L3MBTL4: variants seen among roughly 807,000 people sequenced by gnomAD.
L3MBTL4 encodes lethal(3)malignant brain tumor-like protein 4.
In L3MBTL4, 70 loss-of-function variants were observed where a neutral mutation model predicts 84.5. That is an observed-to-expected ratio of 0.83 (90% CI 0.68 to 1.01). The LOEUF (loss-of-function observed/expected upper bound fraction) is 1.01, where lower values mean the gene tolerates loss of function less well. L3MBTL4 is among the 50% of genes least tolerant of loss of function. The pLI is 0.00. For synonymous variants in L3MBTL4, 274 were observed against 259.8 expected, an observed-to-expected ratio of 1.05 and a Z score of -0.52; for missense variants, 715 against 754.8, an observed-to-expected ratio of 0.95 and a Z score of 0.62.
At chr18:6,030,838 A>G (rs2055760377) in intron 16 of L3MBTL4, 2 of 985,212 alleles carry the variant, frequency 2.0e-6, no homozygotes, top group African/African-American at 3.5e-5. Flanking sequence ...AAACAGGCAC[A>G]CTAACATGAA....
chr18:6,245,856 G>C (rs1049074720), intron 5 of L3MBTL4, among the ~76,000 whole-genome samples: 5 of 152,096 alleles, frequency 3.3e-5, no homozygotes, highest in Non-Finnish European at 5.9e-5. Context: ...CTCCCAAAGG[G>C]CTAGGAATAT....
chr18:6,362,176 AAAGG>A (rs1248423229), intron 1 of L3MBTL4, among the ~76,000 whole-genome samples: 132 of 118,298 alleles, frequency 1.1e-3, no homozygotes, highest in African/African-American at 1.4e-3. Flanking sequence ...AGGAAAGAAG[AAAGG>A]AAGGAAGGAA....
chr18:6,121,177 T>G (rs1029808288), intron 14 of L3MBTL4, among the ~76,000 whole-genome samples: 1 of 152,348 alleles, frequency 6.6e-6, no homozygotes, highest in East Asian at 1.9e-4. Context: ...TCTATTTTAG[T>G]AAGCAGCATG....
intron 12 of L3MBTL4, among the ~76,000 whole-genome samples, chr18:6,191,115 G>A (rs2045061050): frequency 6.6e-6 from 1 of 152,144 alleles, no homozygotes; most frequent in South Asian, 2.1e-4. Flanking sequence ...ATGATATGAT[G>A]ACATGGTCAC....
intron 13 of L3MBTL4, among the ~76,000 whole-genome samples, chr18:6,151,381 T>A: frequency 7.0e-6 from 1 of 142,440 alleles, no homozygotes; most frequent in East Asian, 1.9e-4. Flanking sequence ...CTACAATTAA[T>A]TTTTTTAATT....
At chr18:6,039,007 C>T (rs561934933) in intron 16 of L3MBTL4, among the ~76,000 whole-genome samples, 2 of 151,934 alleles carry the variant, frequency 1.3e-5, no homozygotes, top group South Asian at 4.2e-4. Flanking sequence ...CTTTCTTTCT[C>T]TCTCCCCCAA....
intron 16 of L3MBTL4, among the ~76,000 whole-genome samples, chr18:5,983,093 C>T (rs1438581542): frequency 6.6e-6 from 1 of 152,176 alleles, no homozygotes; most frequent in African/African-American, 2.4e-5. Context: ...GCTCAAGTTG[C>T]TCACGTCACG....
intron 1 of L3MBTL4, among the ~76,000 whole-genome samples, chr18:6,402,843 T>A (rs968278754): frequency 2.6e-5 from 4 of 152,248 alleles, no homozygotes; most frequent in Admixed American, 2.6e-4. Context: ...AGGGAAAGAA[T>A]AATTGATTAT....
intron 1 of L3MBTL4, among the ~76,000 whole-genome samples, chr18:6,404,128 C>T (rs2055624254): frequency 6.6e-6 from 1 of 152,086 alleles, no homozygotes; most frequent in African/African-American, 2.4e-5. Context: ...GGATAAAAGA[C>T]TACACATTGG....
At chr18:6,173,616 C>CA (rs1479725930) in intron 12 of L3MBTL4, among the ~76,000 whole-genome samples, 2 of 152,000 alleles carry the variant, frequency 1.3e-5, no homozygotes, top group Non-Finnish European at 2.9e-5. Flanking sequence ...CTCATCTCTA[C>CA]AAAAAATACA....
At chr18:6,098,837 T>C (rs2058722466) in intron 14 of L3MBTL4, among the ~76,000 whole-genome samples, 1 of 152,206 alleles carries the variant, frequency 6.6e-6, no homozygotes, top group African/African-American at 2.4e-5. Flanking sequence ...GGTCAGATTC[T>C]AACAGGTACT....
At chr18:6,351,584 C>T (rs549697794) in intron 1 of L3MBTL4, among the ~76,000 whole-genome samples, 236 of 151,974 alleles carry the variant, frequency 1.6e-3, no homozygotes, top group Non-Finnish European at 2.7e-3. Context: ...TGGAGTCTCG[C>T]TCTGTCGCCC....
At chr18:6,008,685 C>T (rs2054597060) in intron 16 of L3MBTL4, among the ~76,000 whole-genome samples, 1 of 152,208 alleles carries the variant, frequency 6.6e-6, no homozygotes, top group Admixed American at 6.5e-5. Context: ...GGGATTAGGG[C>T]TTCAACACAT....
In L3MBTL4 at chr18:6,355,381, C is replaced by G. The variant is rs115368333; in HGVS notation, c.-90-43325G>C. Among the ~76,000 whole-genome samples the G allele has an allele frequency of 8.3e-3, 1,262 of 151,864 alleles. 17 individuals carry two copies. Among genetic ancestry groups the G allele is most frequent in the African/African-American group, 0.029 (1,222 of 41,472 alleles). ...TCTAATAAATTAACTCTTTATTCAC[C>G]TGTAATGTTTTCAATAATACTATGA... On this transcript the variant is annotated intron_variant, in intron 1 of 18. Coordinates refer to ENST00000317931, the MANE Select transcript of L3MBTL4 (RefSeq NM_001330559.2).
At chr18:6,027,741 AGAT>A (rs887309934) in intron 16 of L3MBTL4, among the ~76,000 whole-genome samples, 1 of 152,162 alleles carries the variant, frequency 6.6e-6, no homozygotes, top group Non-Finnish European at 1.5e-5. Flanking sequence ...AACTGGCGTG[AGAT>A]GGTATCTCAC....
At chr18:6,369,292 CAG>C (rs1217990504) in intron 1 of L3MBTL4, among the ~76,000 whole-genome samples, 1 of 152,052 alleles carries the variant, frequency 6.6e-6, no homozygotes, top group East Asian at 1.9e-4. Context: ...AAGAAACTAA[CAG>C]AAGATATAAG....
chr18:6,315,094 A>T (rs1305737795), intron 1 of L3MBTL4, among the ~76,000 whole-genome samples: 2 of 152,248 alleles, frequency 1.3e-5, no homozygotes, highest in East Asian at 3.8e-4. Context: ...CCATTAAAAA[A>T]TTACAGAGTG....
chr18:6,309,925 T>C (rs769630974), intron 3 of L3MBTL4, among the ~76,000 whole-genome samples: 2 of 152,224 alleles, frequency 1.3e-5, no homozygotes, highest in Non-Finnish European at 2.9e-5. Flanking sequence ...AAGATGCATC[T>C]AGCCACTTCC....
chr18:5,958,130 A>ATGATG (rs2095242439), intron 18 of L3MBTL4, among the ~76,000 whole-genome samples: 1 of 31,816 alleles, frequency 3.1e-5, no homozygotes. Context: ...AGAAGAAGAA[A>ATGATG]AAGAAGAAGA....
Sources: gnomAD v4.1 joint callset for allele counts (sites outside exome capture counted in the v4.1 genomes callset) on GRCh38, gnomAD v4.1.1 for gene constraint, MANE v1.5 for transcripts, NCBI Gene and HGNC (gene_info 2026-07-23, HGNC 2026-07-21) for gene names.